SMYD3: variants seen among roughly 807,000 people sequenced by gnomAD.
The protein encoded by SMYD3 is SET and MYND domain containing 3, also known as histone-lysine N-methyltransferase SMYD3.
SMYD3 carries 36 observed loss-of-function variants against 57.7 expected under a neutral mutation model. The ratio of observed to expected loss-of-function variants is 0.62; its 90% CI spans 0.48 to 0.82. The LOEUF (loss-of-function observed/expected upper bound fraction) is 0.82. SMYD3 is among the 40% of genes least tolerant of loss of function. The pLI is 0.00. For synonymous variants in SMYD3, 211 were observed against 195.0 expected, an observed-to-expected ratio of 1.08 and a Z score of -0.68; for missense variants, 515 against 538.8, an observed-to-expected ratio of 0.96 and a Z score of 0.44.
chr1:245,964,154 G>A (rs2058080845), intron 5 of SMYD3, among the ~76,000 whole-genome samples: 1 of 152,146 alleles, frequency 6.6e-6, no homozygotes, highest in Non-Finnish European at 1.5e-5. Flanking sequence ...GCAAGAAAAG[G>A]GAAGGAGAGC....
intron 5 of SMYD3, among the ~76,000 whole-genome samples, chr1:246,012,678 G>T (rs2059305099): frequency 6.6e-6 from 1 of 151,868 alleles, no homozygotes; most frequent in Non-Finnish European, 1.5e-5. Flanking sequence ...CCACACAATA[G>T]TCTATGCACA....
intron 10 of SMYD3, among the ~76,000 whole-genome samples, chr1:245,794,271 A>C (rs1398754841): frequency 6.6e-6 from 1 of 152,236 alleles, no homozygotes; most frequent in East Asian, 1.9e-4. Flanking sequence ...CTTTTTAAAA[A>C]ATTATTTTAA....
intron 8 of SMYD3, among the ~76,000 whole-genome samples, chr1:245,877,777 T>G (rs1276873008): frequency 6.6e-6 from 1 of 152,144 alleles, no homozygotes. Flanking sequence ...CTTTTGGACA[T>G]GCTAATATAA....
At chr1:246,136,675 G>T (rs971882383) in intron 5 of SMYD3, among the ~76,000 whole-genome samples, 2 of 152,126 alleles carry the variant, frequency 1.3e-5, no homozygotes, top group African/African-American at 4.8e-5. Context: ...ATCAATGAGT[G>T]AGTAAATGAA....
At chr1:246,172,075 G>A (rs1382118110) in intron 5 of SMYD3, among the ~76,000 whole-genome samples, 1 of 152,204 alleles carries the variant, frequency 6.6e-6, no homozygotes, top group East Asian at 1.9e-4. Flanking sequence ...GACCATGAAT[G>A]GAGCTTGCAG....
At chr1:245,750,972 C>T (rs183275549) in intron 11 of SMYD3, among the ~76,000 whole-genome samples, 474 of 152,296 alleles carry the variant, frequency 3.1e-3, no homozygotes, top group Non-Finnish European at 4.3e-3. Context: ...GGAATGAGGC[C>T]TAGGCCCCAG....
intron 5 of SMYD3, among the ~76,000 whole-genome samples, chr1:245,954,628 A>G (rs777637827): frequency 1.1e-4 from 16 of 147,196 alleles, no homozygotes; most frequent in Non-Finnish European, 1.9e-4. Flanking sequence ...CAGTGAGCCA[A>G]TATAGCACCA....
chr1:246,198,764 G>T lies in SMYD3; in HGVS notation c.531+128437C>A, dbSNP rs868446813. Among the ~76,000 whole-genome samples the T allele has an allele frequency of 5.9e-5, 9 of 152,134 alleles. No individual in the cohort carries two copies. The South Asian group carries it at 1.0e-3, about 18-fold the overall frequency. ...ACCAGTATGAACAATCAAAGGTCAC[G>T]ATTTTCAGCAAAAGCTTAGAATTTT... On this transcript the variant is annotated intron_variant, in intron 5 of 11. Transcript: ENST00000490107.
chr1:246,089,955 A>T (rs1228536073), intron 5 of SMYD3, among the ~76,000 whole-genome samples: 1 of 150,570 alleles, frequency 6.6e-6, no homozygotes, highest in Non-Finnish European at 1.5e-5. Flanking sequence ...GTATGGAGAA[A>T]TTTTCTTTCC....
chr1:245,757,427 G>A (rs2045657302), intron 11 of SMYD3, among the ~76,000 whole-genome samples: 1 of 151,718 alleles, frequency 6.6e-6, no homozygotes, highest in African/African-American at 2.4e-5. Context: ...GTTTAATTTT[G>A]GTGAAGTCCA....
chr1:245,927,995 G>A lies in SMYD3; in HGVS notation c.638C>T (p.Ser213Leu), dbSNP rs758081490. The stretch of plus-strand genomic sequence containing the variant: ...GAGGTGGGGCCCATTGAACACAATC[G>A]AACAGTTGGGGTCACAGCTGTGATT... ...LLNHSCDPNCSIVFNGPHLLL... is the reference protein window; with the variant it reads ...LLNHSCDPNCLIVFNGPHLLL... The change falls in exon 7 of 12, where the codon TCG (serine) becomes TTG (leucine). Residue 213 changes from serine (S) to leucine (L), a missense_variant. Ser to Leu is a moderately radical substitution (Grantham distance 145). Transcript: ENST00000490107. 19 of 1,612,360 alleles carry A rather than the reference G, an allele frequency of 1.2e-5. No individual in the cohort carries two copies. In the Admixed American group the frequency reaches 1.3e-4, roughly 11 times the overall value.
At chr1:245,926,381 T>G (rs2056377241) in intron 7 of SMYD3, among the ~76,000 whole-genome samples, 1 of 152,220 alleles carries the variant, frequency 6.6e-6, no homozygotes, top group African/African-American at 2.4e-5. Flanking sequence ...GAAATGTTTA[T>G]TCTCTTAAAC....
intron 5 of SMYD3, among the ~76,000 whole-genome samples, chr1:245,990,690 C>G (rs2058796088): frequency 6.6e-6 from 1 of 152,182 alleles, no homozygotes; most frequent in Admixed American, 6.5e-5. Flanking sequence ...CCTCTAGAAG[C>G]TGGAAAAGGC....
At chr1:245,796,800 C>T (rs2047540799) in intron 10 of SMYD3, among the ~76,000 whole-genome samples, 2 of 152,248 alleles carry the variant, frequency 1.3e-5, no homozygotes, top group African/African-American at 2.4e-5. Flanking sequence ...AGCTAGATCA[C>T]TGCTCCATTC....
intron 8 of SMYD3, among the ~76,000 whole-genome samples, chr1:245,911,124 T>G (rs1184745284): frequency 6.6e-6 from 1 of 151,996 alleles, no homozygotes; most frequent in Non-Finnish European, 1.5e-5. Flanking sequence ...AAATGTTCAA[T>G]AACATTAATG....
chr1:246,247,814 C>T (rs1468232301), intron 5 of SMYD3, among the ~76,000 whole-genome samples: 1 of 152,062 alleles, frequency 6.6e-6, no homozygotes, highest in Non-Finnish European at 1.5e-5. Context: ...ACAGAATTTG[C>T]TTTGAAAAAT....
intron 8 of SMYD3, among the ~76,000 whole-genome samples, chr1:245,880,118 A>C (rs955327907): frequency 6.6e-6 from 1 of 151,762 alleles, no homozygotes; most frequent in Non-Finnish European, 1.5e-5. Context: ...TGCTGTACAC[A>C]CTAGAGATAG....
chr1:246,471,672 G>A (rs116255984), intron 1 of SMYD3, among the ~76,000 whole-genome samples: 8 of 152,306 alleles, frequency 5.3e-5, no homozygotes, highest in African/African-American at 9.6e-5. Flanking sequence ...ATGCACTGGC[G>A]CTCTGCTTAC....
At chr1:245,818,405 C>G (rs558276433) in intron 10 of SMYD3, among the ~76,000 whole-genome samples, 109 of 152,022 alleles carry the variant, frequency 7.2e-4, no homozygotes, top group South Asian at 1.7e-3. Context: ...CGCTAAACAT[C>G]GAAAGGAACA....
Sources: gnomAD v4.1 joint callset for allele counts (sites outside exome capture counted in the v4.1 genomes callset) on GRCh38, gnomAD v4.1.1 for gene constraint, MANE v1.5 for transcripts, NCBI Gene and HGNC (gene_info 2026-07-23, HGNC 2026-07-21) for gene names.